Variants in GRXCR2 observed in about 807,000 individuals in gnomAD.
GRXCR2 encodes glutaredoxin and cysteine rich domain containing 2.
In GRXCR2, 23 loss-of-function variants were observed where a neutral mutation model predicts 24.8. The ratio of observed to expected loss-of-function variants is 0.93; its 90% CI spans 0.67 to 1.32. The LOEUF is 1.32. Ranked by LOEUF, GRXCR2 falls within the 40% of genes most tolerant of loss-of-function variation. The pLI is 0.00. For missense variants in GRXCR2, 315 were observed against 303.4 expected, an observed-to-expected ratio of 1.04 and a Z score of -0.28; for synonymous variants, 130 against 116.1, an observed-to-expected ratio of 1.12 and a Z score of -0.77.
chr5:145,902,410 G>C (rs574350418), intron 2 of GRXCR2, among the ~76,000 whole-genome samples: 1 of 152,216 alleles, frequency 6.6e-6, no homozygotes, highest in East Asian at 1.9e-4. Context: ...GGCCAAACTA[G>C]TTCTTTATAA....
chr5:145,893,872 C>T (rs1291103362), intron 2 of GRXCR2, among the ~76,000 whole-genome samples: 1 of 152,174 alleles, frequency 6.6e-6, no homozygotes, highest in Non-Finnish European at 1.5e-5. Flanking sequence ...AAATTGACCA[C>T]ATAGTTGGAA....
chr5:145,930,658 A>G (rs150844439), intron 2 of GRXCR2, among the ~76,000 whole-genome samples: 2 of 152,228 alleles, frequency 1.3e-5, no homozygotes, highest in African/African-American at 4.8e-5. Flanking sequence ...TTAGGGATAC[A>G]TTGTGTAAGA....
At chr5:145,881,885 T>A (rs1379487117) in intron 2 of GRXCR2, among the ~76,000 whole-genome samples, 11 of 152,162 alleles carry the variant, frequency 7.2e-5, no homozygotes, top group Non-Finnish European at 1.6e-4. Flanking sequence ...AACCATCTGA[T>A]CTTTGACAAA....
chr5:145,900,674 C>T (rs1444763221), intron 2 of GRXCR2, among the ~76,000 whole-genome samples: 5 of 152,170 alleles, frequency 3.3e-5, no homozygotes, highest in Non-Finnish European at 7.4e-5. Context: ...AAAGGGAATG[C>T]TTATACACTG....
At chr5:145,912,921 T>C (rs1757186601) in intron 2 of GRXCR2, among the ~76,000 whole-genome samples, 1 of 152,206 alleles carries the variant, frequency 6.6e-6, no homozygotes, top group Non-Finnish European at 1.5e-5. Flanking sequence ...GGAAATCCAT[T>C]GAAAGGTTTT....
intron 2 of GRXCR2, among the ~76,000 whole-genome samples, chr5:145,904,402 G>A (rs975605786): frequency 6.6e-6 from 1 of 152,120 alleles, no homozygotes; most frequent in African/African-American, 2.4e-5. Flanking sequence ...TTTACTATCT[G>A]TAAAATGAAA....
At chr5:145,912,993 G>T (rs575885214) in intron 2 of GRXCR2, among the ~76,000 whole-genome samples, 1 of 152,338 alleles carries the variant, frequency 6.6e-6, no homozygotes, top group East Asian at 1.9e-4. Flanking sequence ...CAAATGGATT[G>T]TTGAGTGCAT....
At chr5:145,900,896 C>T (rs911726899) in intron 2 of GRXCR2, among the ~76,000 whole-genome samples, 6 of 152,110 alleles carry the variant, frequency 3.9e-5, no homozygotes, top group Admixed American at 1.3e-4. Context: ...AACCTAGGTG[C>T]CCATCAGTGG....
At chr5:145,877,904 G>A (rs570413529), upstream of GRXCR2, among the ~76,000 whole-genome samples, 14 of 152,198 alleles carry the variant, frequency 9.2e-5, no homozygotes, top group Admixed American at 5.2e-4. Flanking sequence ...AGGCAAACAG[G>A]GTCTGGAGTG....
Position 145,858,629 on chromosome 5 carries a change from T to G in GRXCR2, c.*1104A>C, listed in dbSNP as rs1756280007. On this transcript the variant is annotated 3_prime_UTR_variant, in exon 3 of 3. Transcript: ENST00000377976. ...GAATAACAAACAAATCTTGAGAAAT[T>G]ATTAAGTTATGAAATCAAAATTATT... 1 of 152,146 alleles carries G rather than the reference T, an allele frequency of 6.6e-6. No individual in the cohort carries two copies. Among genetic ancestry groups the G allele is most frequent in the East Asian group, 1.9e-4 (1 of 5,202 alleles). 9.4% of individuals were successfully genotyped at this position (152,146 alleles called of 1,614,324 possible).
intron 2 of GRXCR2, among the ~76,000 whole-genome samples, chr5:145,860,752 T>C (rs1180384321): frequency 2.6e-5 from 4 of 152,192 alleles, no homozygotes; most frequent in Non-Finnish European, 5.9e-5. Flanking sequence ...ACTTGAATAG[T>C]TCCCTTAGCC....
At chr5:145,908,311 C>T (rs867114537) in intron 2 of GRXCR2, among the ~76,000 whole-genome samples, 9 of 152,134 alleles carry the variant, frequency 5.9e-5, no homozygotes, top group African/African-American at 2.2e-4. Flanking sequence ...AAGCAAACTC[C>T]CCAGGAACAA....
At chr5:145,874,302 C>T (rs437104), upstream of GRXCR2, among the ~76,000 whole-genome samples, 2 of 151,490 alleles carry the variant, frequency 1.3e-5, no homozygotes, top group Non-Finnish European at 2.9e-5. Context: ...CTCCTGAGTT[C>T]GAGCAATTCT....
intron 2 of GRXCR2, among the ~76,000 whole-genome samples, chr5:145,923,153 A>G (rs1008083196): frequency 6.6e-6 from 1 of 152,230 alleles, no homozygotes; most frequent in East Asian, 1.9e-4. Context: ...TTCTGATTCA[A>G]TAAGTCTGGA....
intron 1 of GRXCR2, among the ~76,000 whole-genome samples, chr5:145,867,037 C>A (rs1756449281): frequency 6.6e-6 from 1 of 152,164 alleles, no homozygotes; most frequent in Admixed American, 6.5e-5. Flanking sequence ...CAATGCAGGG[C>A]TGGGTACAAT....
intron 2 of GRXCR2, among the ~76,000 whole-genome samples, chr5:145,899,601 G>T (rs972141767): frequency 6.6e-6 from 1 of 151,970 alleles, no homozygotes; most frequent in Non-Finnish European, 1.5e-5. Context: ...CAGAAATAAA[G>T]CAGCACGTCT....
chr5:145,893,528 G>A (rs891671589), intron 2 of GRXCR2, among the ~76,000 whole-genome samples: 1 of 152,138 alleles, frequency 6.6e-6, no homozygotes, highest in African/African-American at 2.4e-5. Flanking sequence ...GGTCAAAAGA[G>A]ACAAAGAAGG....
chr5:145,893,880 G>T (rs887498911), intron 2 of GRXCR2, among the ~76,000 whole-genome samples: 2 of 152,126 alleles, frequency 1.3e-5, no homozygotes, highest in African/African-American at 4.8e-5. Flanking sequence ...CACATAGTTG[G>T]AAGTAAAGCA....
intron 2 of GRXCR2, among the ~76,000 whole-genome samples, chr5:145,863,649 C>T (rs556521064): frequency 1.3e-5 from 2 of 152,206 alleles, no homozygotes; most frequent in African/African-American, 4.8e-5. Flanking sequence ...CTGCCTGCTG[C>T]CAGGTTAGGT....
Sources: gnomAD v4.1 joint callset for allele counts (sites outside exome capture counted in the v4.1 genomes callset) on GRCh38, gnomAD v4.1.1 for gene constraint, MANE v1.5 for transcripts, NCBI Gene and HGNC (gene_info 2026-07-23, HGNC 2026-07-21) for gene names.